NFKBIA: variants seen among roughly 807,000 people sequenced by gnomAD.
The protein encoded by NFKBIA is NF-kappa-B inhibitor alpha.
A neutral mutation model predicts 36.3 loss-of-function variants in NFKBIA; 10 were observed. The ratio of observed to expected loss-of-function variants is 0.28; its 90% CI spans 0.17 to 0.47. The LOEUF (loss-of-function observed/expected upper bound fraction) is 0.47. Ranked by LOEUF, NFKBIA falls within the 20% of genes least tolerant of loss-of-function variation. The pLI, the probability that NFKBIA is intolerant of heterozygous loss-of-function variation, is 0.99. For synonymous variants in NFKBIA, 205 were observed against 164.4 expected, an observed-to-expected ratio of 1.25 and a Z score of -1.89; for missense variants, 355 against 399.3, an observed-to-expected ratio of 0.89 and a Z score of 0.94.
In NFKBIA at chr14:35,403,236, T is replaced by C. The variant is rs1420428996; in HGVS notation, c.461A>G (p.Gln154Arg). 4 of 1,613,048 alleles carry C rather than the reference T, an allele frequency of 2.5e-6. No individual in the cohort carries two copies. The Admixed American group carries it at 6.7e-5, about 27-fold the overall frequency. ...GNTPLHLACE[Q>R]GCLASVGVLT... Reference sequence around the variant, plus strand: ...GACTCCCACGCTGGCCAGGCAGCCCTGCTCACAGGCAAGGTGTAGGGGGGT... The same window carrying C: ...GACTCCCACGCTGGCCAGGCAGCCCCGCTCACAGGCAAGGTGTAGGGGGGT... The change falls in exon 3 of 6, where the codon CAG becomes CGG. Residue 154 changes from glutamine to arginine, a missense_variant. Gln to Arg is a conservative substitution (Grantham distance 43, BLOSUM62 1). Transcript: ENST00000216797.
At chr14:35,403,034 C>A in intron 3 of NFKBIA, 116 bp downstream of exon 3, 1 of 1,349,606 alleles carries the variant, frequency 7.4e-7, no homozygotes, top group Non-Finnish European at 1.0e-6. Flanking sequence ...TTTTCTCAAC[C>A]TTCCAAATGT....
chr14:35,403,575 A>C (rs61048228), intron 2 of NFKBIA, 115 bp downstream of exon 2: 37 of 891,840 alleles, frequency 4.1e-5, no homozygotes, highest in Non-Finnish European at 6.6e-5. Context: ...TGTGAAGTAA[A>C]AGGTGAGGGT....
intron 1 of NFKBIA, 27 bp downstream of exon 1, chr14:35,404,391 C>A: frequency 6.6e-7 from 1 of 1,520,094 alleles, no homozygotes; most frequent in Non-Finnish European, 8.8e-7. Context: ...TCCCGACGAC[C>A]CCCAGCCCCG....
intron 2 of NFKBIA, 97 bp from the exon 3 acceptor site, chr14:35,403,457 C>T: frequency 7.4e-7 from 1 of 1,351,902 alleles, no homozygotes; most frequent in South Asian, 1.2e-5. Context: ...TGCTGCTCCT[C>T]CTAGACAGGG....
intron 5 of NFKBIA, 21 bp from the exon 6 acceptor site, chr14:35,402,081 G>A: frequency 6.2e-7 from 1 of 1,614,020 alleles, no homozygotes; most frequent in South Asian, 1.1e-5. Flanking sequence ...GGGGAAAAAA[G>A]ACACGTTAAG....
chr14:35,404,377 G>A, intron 1 of NFKBIA, 41 bp downstream of exon 1: 7 of 369,684 alleles, frequency 1.9e-5, no homozygotes, highest in South Asian at 2.5e-5. Context: ...CGCGCGTCCC[G>A]CCCTCCCGAC....
intron 1 of NFKBIA, 92 bp from the exon 2 acceptor site, chr14:35,403,890 G>C (rs2052757496): frequency 3.2e-6 from 3 of 949,078 alleles, no homozygotes; most frequent in Non-Finnish European, 5.0e-6. Context: ...CGCAAGGCCG[G>C]GGTTTCTGGA....
In NFKBIA at chr14:35,401,929, TTTCTTC is replaced by T. The variant is rs145753299; in HGVS notation, c.*78_*83del. 6.6e-6 allele frequency: 10 copies of T among 1,522,930 alleles called. No homozygotes were observed. The highest frequency in any genetic ancestry group is 8.2e-6 in the Non-Finnish European group (9 of 1,103,604). 94.3% of individuals were successfully genotyped at this position (1,522,930 alleles called of 1,614,324 possible). A position where few individuals can be genotyped will look rare whatever the true frequency, so the allele number is the denominator to read the frequency against. On this transcript the variant is annotated 3_prime_UTR_variant, in exon 6 of 6. Transcript: ENST00000216797. ...GGATATAAGTACACCCTTTAAATTTTTTCTTCTTTTTTCTTTTTTTAGAAAAATAAA... is the reference window on the plus strand; with the variant it reads ...GGATATAAGTACACCCTTTAAATTTTTTTTTTCTTTTTTTAGAAAAATAAA...
Position 35,401,789 on chromosome 14 carries a change from G to A in NFKBIA, c.*224C>T, listed in dbSNP as rs1408153166. On this transcript the variant is annotated 3_prime_UTR_variant, in exon 6 of 6. Transcript: ENST00000216797. ...CCCACAAAGGTGAGGTTTAAAAGAA[G>A]TTTTCTCAGAATTTCAATGATCTTT... 1.2e-5 allele frequency: 7 copies of A among 587,780 alleles called. No individual in the cohort carries two copies. The highest frequency in any genetic ancestry group is 2.1e-5 in the Non-Finnish European group (7 of 329,416). The allele number at this position is 587,780 out of a possible 1,614,324, so 36.4% of individuals were successfully genotyped here. A position where few individuals can be genotyped will look rare whatever the true frequency, so the allele number is the denominator to read the frequency against.
In NFKBIA at chr14:35,404,724, G is replaced by A. The variant is rs886050476; in HGVS notation, c.-80C>T. On this transcript the variant is annotated 5_prime_UTR_variant, in exon 1 of 6. Coordinates refer to ENST00000216797, the MANE Select transcript of NFKBIA (RefSeq NM_020529.3). ...CTGCTTCCTCGCTGGGGCGCTGGCGGGCGGGACGGCGGCACGGACTGCTGT... is the reference window on the plus strand; with the variant it reads ...CTGCTTCCTCGCTGGGGCGCTGGCGAGCGGGACGGCGGCACGGACTGCTGT... 5.3e-5 allele frequency: 54 copies of A among 1,018,498 alleles called. No individual in the cohort carries two copies. The highest frequency in any genetic ancestry group is 6.9e-5 in the Non-Finnish European group (53 of 773,232). 63.1% of individuals were successfully genotyped at this position (1,018,498 alleles called of 1,614,324 possible). A position where few individuals can be genotyped will look rare whatever the true frequency, so the allele number is the denominator to read the frequency against.
At chr14:35,404,367 CG>C in intron 1 of NFKBIA, 50 bp downstream of exon 1, 6 of 1,231,896 alleles carry the variant, frequency 4.9e-6, no homozygotes, top group Non-Finnish European at 5.5e-6. Flanking sequence ...CCCCAGGCCG[CG>C]CGCGTCCCGC....
At chr14:35,404,368 G>A (rs748716450) in intron 1 of NFKBIA, 50 bp downstream of exon 1, 1 of 655,676 alleles carries the variant, frequency 1.5e-6, no homozygotes, top group Non-Finnish European at 2.4e-6. Flanking sequence ...CCCAGGCCGC[G>A]CGCGTCCCGC....
At chr14:35,403,455 C>T in intron 2 of NFKBIA, 95 bp from the exon 3 acceptor site, 1 of 1,375,624 alleles carries the variant, frequency 7.3e-7, no homozygotes, top group African/African-American at 1.4e-5. Flanking sequence ...GGTGCTGCTC[C>T]TCCTAGACAG....
chr14:35,402,960 GA>G, intron 3 of NFKBIA, 101 bp from the exon 4 acceptor site: 1 of 1,334,040 alleles, frequency 7.5e-7, no homozygotes, highest in South Asian at 1.2e-5. Flanking sequence ...TGAATTTTAA[GA>G]ACCCACAGTC....
At chr14:35,404,110 C>T in intron 1 of NFKBIA, 2 of 408,182 alleles carry the variant, frequency 4.9e-6, no homozygotes, top group East Asian at 5.9e-5. Flanking sequence ...CCTTATGCAA[C>T]CGGGGACTTC....
At chr14:35,402,100 G>A in intron 5 of NFKBIA, 40 bp from the exon 6 acceptor site, 1 of 1,612,736 alleles carries the variant, frequency 6.2e-7, no homozygotes, top group Non-Finnish European at 8.5e-7. Flanking sequence ...AGCTTCCGGA[G>A]CGGAGCTCTG....
Position 35,401,983 on chromosome 14 carries a change from C to CA in NFKBIA, c.*29dup, listed in dbSNP as rs760073242. 169 of 1,610,926 alleles carry CA rather than the reference C, an allele frequency of 1.0e-4. No homozygotes were observed. The highest frequency in any genetic ancestry group is 1.3e-4 in the Non-Finnish European group (157 of 1,177,712). On this transcript the variant is annotated 3_prime_UTR_variant, in exon 6 of 6. Transcript: ENST00000216797. ...AAAACTTTTTTTTTGTACAAATATA[C>CA]AAGTCCATGTTCTTTCAGCCCCTTT...
chr14:35,403,359 G>C lies in NFKBIA; in HGVS notation c.338C>G (p.Thr113Ser). The change falls in exon 3 of 6, where the codon ACT (threonine) becomes AGT (serine). Residue 113 changes from threonine (T) to serine (S), a missense_variant and splice_region_variant. Coordinates refer to ENST00000216797, the MANE Select transcript of NFKBIA (RefSeq NM_020529.3). ...GGTGATCACAGCCAAGTGGAGTGGA[G>C]TCTACGAATGCAAGAGAGACCAGAG... ...FLNFQNNLQQ[T>S]PLHLAVITNQ... 1 of 1,613,946 alleles carries C rather than the reference G, an allele frequency of 6.2e-7. No homozygotes were observed. Among genetic ancestry groups the C allele is most frequent in the Non-Finnish European group, 8.5e-7 (1 of 1,180,000 alleles).
chr14:35,403,126 G>C (rs2052746625), intron 3 of NFKBIA, 24 bp downstream of exon 3: 10 of 1,604,306 alleles, frequency 6.2e-6, no homozygotes, highest in Admixed American at 1.7e-5. Flanking sequence ...GAGGGGGTGG[G>C]GCAGGGCAGG....
Sources: allele counts gnomAD v4.1 joint callset, GRCh38; gene constraint gnomAD v4.1.1; transcripts MANE v1.5; gene names NCBI Gene and HGNC (gene_info 2026-07-23, HGNC 2026-07-21).